Variants in ZSWIM6 observed in about 807,000 individuals in gnomAD.
ZSWIM6 encodes the protein zinc finger SWIM domain-containing protein 6.
A neutral mutation model predicts 113.2 loss-of-function variants in ZSWIM6; 9 were observed. That is an observed-to-expected ratio of 0.08 (90% CI 0.05 to 0.14). The LOEUF (loss-of-function observed/expected upper bound fraction) is 0.14. ZSWIM6 is among the 10% of genes least tolerant of loss of function. The pLI is 1.00. For synonymous variants in ZSWIM6, 611 were observed against 606.5 expected (o/e 1.01, Z -0.11); for missense variants, 1,162 against 1,552.2 (o/e 0.75, Z 4.22).
chr5:61,528,498 G>A (rs905220554), intron 7 of ZSWIM6, among the ~76,000 whole-genome samples: 3 of 151,780 alleles, frequency 2.0e-5, no homozygotes, highest in Non-Finnish European at 4.4e-5. Flanking sequence ...TTATGTTTAT[G>A]AAAGCCAGCA....
intron 4 of ZSWIM6, among the ~76,000 whole-genome samples, chr5:61,510,194 T>A (rs921072606): frequency 2.6e-5 from 4 of 151,614 alleles, no homozygotes; most frequent in African/African-American, 9.7e-5. Context: ...CTTGGAAACA[T>A]AAAACAATAA....
chr5:61,366,704 G>C (rs193283793), intron 1 of ZSWIM6, among the ~76,000 whole-genome samples: 208 of 152,302 alleles, frequency 1.4e-3, no homozygotes, highest in African/African-American at 4.8e-3. Flanking sequence ...GGCTGAGGCG[G>C]CAGATGGCTT....
At chr5:61,452,294 T>C (rs778882129) in intron 1 of ZSWIM6, among the ~76,000 whole-genome samples, 4 of 152,228 alleles carry the variant, frequency 2.6e-5, no homozygotes, top group Non-Finnish European at 5.9e-5. Context: ...TATAGTATTC[T>C]ATATGAATAT....
At chr5:61,343,930 A>G (rs929154490) in intron 1 of ZSWIM6, among the ~76,000 whole-genome samples, 13 of 146,202 alleles carry the variant, frequency 8.9e-5, no homozygotes, top group Non-Finnish European at 1.0e-4. Flanking sequence ...CTTGTCACCC[A>G]GGCTGGAGTG....
chr5:61,423,417 A>AAC (rs371477545), intron 1 of ZSWIM6, among the ~76,000 whole-genome samples: 218 of 149,680 alleles, frequency 1.5e-3, no homozygotes, highest in South Asian at 7.5e-3. Flanking sequence ...TCAAAAAAAA[A>AAC]ACACAAAAAA....
At chr5:61,377,732 C>T (rs1373682056) in intron 1 of ZSWIM6, among the ~76,000 whole-genome samples, 1 of 150,846 alleles carries the variant, frequency 6.6e-6, no homozygotes, top group African/African-American at 2.4e-5. Flanking sequence ...AAAAAAACCC[C>T]ACAAAGTCAA....
At chr5:61,404,883 T>C (rs1481523922) in intron 1 of ZSWIM6, among the ~76,000 whole-genome samples, 1 of 152,242 alleles carries the variant, frequency 6.6e-6, no homozygotes, top group Admixed American at 6.5e-5. Flanking sequence ...AGAATCTGTG[T>C]ATTTCTTGAG....
intron 1 of ZSWIM6, among the ~76,000 whole-genome samples, chr5:61,366,723 A>T (rs867418521): frequency 1.6e-4 from 25 of 152,250 alleles, no homozygotes; most frequent in Admixed American, 3.3e-4. Flanking sequence ...TTGAGCCAGG[A>T]GCTTGAGACT....
chr5:61,431,634 A>G (rs1339894512), intron 1 of ZSWIM6, among the ~76,000 whole-genome samples: 1 of 107,708 alleles, frequency 9.3e-6, no homozygotes, highest in Non-Finnish European at 1.9e-5. Context: ...AGTCCCAGCT[A>G]CTCGGGAGGC....
intron 4 of ZSWIM6, among the ~76,000 whole-genome samples, chr5:61,517,035 GT>G (rs1748965897): frequency 6.6e-6 from 1 of 151,938 alleles, no homozygotes; most frequent in South Asian, 2.1e-4. Context: ...ATTCTTCTAT[GT>G]ATGGTATTTT....
chr5:61,341,616 AAGAATTTG>A (rs1744547562), intron 1 of ZSWIM6, among the ~76,000 whole-genome samples: 1 of 151,532 alleles, frequency 6.6e-6, no homozygotes, highest in South Asian at 2.1e-4. Flanking sequence ...CCATATAATA[AAGAATTTG>A]CTGAAAGTTT....
chr5:61,379,142 CCT>C (rs974370654), intron 1 of ZSWIM6, among the ~76,000 whole-genome samples: 32 of 145,330 alleles, frequency 2.2e-4, no homozygotes, highest in African/African-American at 8.1e-4. Flanking sequence ...TGTGATCATG[CCT>C]CTCTACTCCA....
At chr5:61,375,785 A>G in intron 1 of ZSWIM6, 10 of 1,495,278 alleles carry the variant, frequency 6.7e-6, no homozygotes, top group Non-Finnish European at 9.1e-6. Context: ...ACAAAAAAGA[A>G]AAAGAAGCAT....
chr5:61,427,177 G>A (rs563229278), intron 1 of ZSWIM6, among the ~76,000 whole-genome samples: 1 of 152,178 alleles, frequency 6.6e-6, no homozygotes, highest in South Asian at 2.1e-4. Flanking sequence ...GTTTTTTGGT[G>A]TTTATATATA....
intron 5 of ZSWIM6, among the ~76,000 whole-genome samples, chr5:61,522,165 C>T (rs1177945725): frequency 2.0e-5 from 3 of 151,172 alleles, no homozygotes; most frequent in Non-Finnish European, 4.4e-5. Context: ...CCAAGTCTCT[C>T]CCATCTTTAA....
intron 1 of ZSWIM6, among the ~76,000 whole-genome samples, chr5:61,434,919 C>T (rs2112139925): frequency 6.6e-6 from 1 of 152,216 alleles, no homozygotes. Context: ...TTATGATGAG[C>T]TGATAAGGTT....
At chr5:61,499,631 G>A (rs1256864118) in intron 4 of ZSWIM6, among the ~76,000 whole-genome samples, 30 of 152,130 alleles carry the variant, frequency 2.0e-4, no homozygotes, top group Non-Finnish European at 1.5e-5. Context: ...AAGAAGCAGT[G>A]TGAATACTCC....
At chr5:61,473,731 CTTTTAAAACATTTGGACATAA>C (rs1157090860) in intron 2 of ZSWIM6, among the ~76,000 whole-genome samples, 3 of 152,048 alleles carry the variant, frequency 2.0e-5, no homozygotes, top group African/African-American at 7.2e-5. Context: ...GTTGCTTGTG[CTTTTAAAACATTTGGACATAA>C]TTTTAAAAAT....
chr5:61,517,622 G>T (rs1013879864), intron 4 of ZSWIM6, among the ~76,000 whole-genome samples: 1 of 151,876 alleles, frequency 6.6e-6, no homozygotes, highest in Non-Finnish European at 1.5e-5. Flanking sequence ...CTTGGTATCT[G>T]TTGACTGTTT....
Sources: allele counts gnomAD v4.1 joint callset (sites outside exome capture counted in the v4.1 genomes callset), GRCh38; gene constraint gnomAD v4.1.1; transcripts MANE v1.5; gene names NCBI Gene and HGNC (gene_info 2026-07-23, HGNC 2026-07-21).